EFCAB8: variants seen among roughly 807,000 people sequenced by gnomAD.
The protein encoded by EFCAB8 is EF-hand calcium-binding domain-containing protein 8.
In EFCAB8, 100 loss-of-function variants were observed where a neutral mutation model predicts 116.3. The observed-to-expected ratio is 0.86, with a 90% CI of 0.73 to 1.02. EFCAB8 has a LOEUF of 1.02. Among genes scored for constraint, EFCAB8 ranks in the 50% least tolerant of loss-of-function variants. EFCAB8 has a pLI of 0.00. For synonymous variants in EFCAB8, 558 were observed against 567.9 expected, an observed-to-expected ratio of 0.98 and a Z score of 0.25; for missense variants, 1,320 against 1,416.9, an observed-to-expected ratio of 0.93 and a Z score of 1.10.
chr20:32,941,105 A>G (rs1431590194), intron 22 of EFCAB8, among the ~76,000 whole-genome samples: 1 of 149,396 alleles, frequency 6.7e-6, no homozygotes, highest in East Asian at 2.0e-4. Flanking sequence ...TACAAAAATT[A>G]GCAGGGCATG....
At chr20:32,907,490 C>T (rs1238947289) in intron 13 of EFCAB8, among the ~76,000 whole-genome samples, 3 of 152,230 alleles carry the variant, frequency 2.0e-5, no homozygotes, top group Non-Finnish European at 2.9e-5. Context: ...CTGTGCTCCT[C>T]TGCAGCTGTA....
At chr20:32,891,018 A>G (rs1985883219) in intron 7 of EFCAB8, among the ~76,000 whole-genome samples, 1 of 152,218 alleles carries the variant, frequency 6.6e-6, no homozygotes, top group South Asian at 2.1e-4. Flanking sequence ...TGGGCTTTCC[A>G]CTGCAACATC....
intron 11 of EFCAB8, among the ~76,000 whole-genome samples, 199 bp from the exon 12 acceptor site, chr20:32,906,359 GGTGC>G (rs934809105): frequency 5.9e-5 from 9 of 152,106 alleles, no homozygotes; most frequent in Non-Finnish European, 1.0e-4. Context: ...CTTTGCCTGT[GGTGC>G]TGAGCCCTGA....
intron 23 of EFCAB8, among the ~76,000 whole-genome samples, chr20:32,946,735 T>C (rs1162155025): frequency 1.3e-5 from 2 of 152,232 alleles, no homozygotes; most frequent in Non-Finnish European, 2.9e-5. Flanking sequence ...GTGTAATTGG[T>C]ATCACAATCA....
chr20:32,945,068 C>T (rs552489319), intron 23 of EFCAB8, among the ~76,000 whole-genome samples: 8 of 151,782 alleles, frequency 5.3e-5, no homozygotes, highest in Admixed American at 2.6e-4. Context: ...CTGATTTTTC[C>T]TTCTGCTTGA....
At chr20:32,909,654 G>A (rs1327993259) in intron 14 of EFCAB8, among the ~76,000 whole-genome samples, 167 bp from the exon 15 acceptor site, 1 of 152,090 alleles carries the variant, frequency 6.6e-6, no homozygotes, top group East Asian at 1.9e-4. Context: ...AGTAGGGTGG[G>A]GGTATCTGCA....
rs775105217 is a variant in EFCAB8 at position 32,867,693 on chromosome 20, A to C, written c.154A>C (p.Ile52Leu). ...LQPGSQLFTE[I>L]HLAKIEKMFE... ...GCCTGGGTCCCAGCTGTTTACTGAG[A>C]TACACCTGGCCAAGATAGAGAAAAT... Residue 52 changes from isoleucine (I) to leucine (L), a missense_variant, in exon 3 of 27, where the codon ATA becomes CTA. Physicochemically the swap from Ile to Leu is conservative, Grantham distance 5. Coordinates refer to ENST00000400522, the MANE Select transcript of EFCAB8 (RefSeq NM_001143967.2). 1 of 1,551,678 alleles carries C rather than the reference A, an allele frequency of 6.4e-7. No individual in the cohort carries two copies. The highest frequency in any genetic ancestry group is 8.7e-7 in the Non-Finnish European group (1 of 1,146,980).
Position 32,896,519 on chromosome 20 carries a change from C to T in EFCAB8, c.949C>T (p.Arg317Trp), listed in dbSNP as rs774056826. The change falls in exon 10 of 27, where the codon CGG becomes TGG. Residue 317 changes from arginine to tryptophan, a missense_variant. By Grantham distance (101) the Arg-to-Trp change is moderately radical. Coordinates refer to ENST00000400522, the MANE Select transcript of EFCAB8 (RefSeq NM_001143967.2). ...NEKSALHRSY[R>W]LKALHPNWCE... ...GAAGTCTGCTTTGCATAGAAGCTAC[C>T]GGCTGAAGGTGAGTTTTTTCTTTCC... The T allele has an allele frequency of 7.8e-5, 56 of 718,766 alleles. No homozygotes were observed. Among genetic ancestry groups the T allele is most frequent in the Non-Finnish European group, 6.8e-5 (26 of 385,166 alleles). 44.5% of individuals were successfully genotyped at this position (718,766 alleles called of 1,614,324 possible). A position where few individuals can be genotyped will look rare whatever the true frequency, so the allele number is the denominator to read the frequency against.
chr20:32,869,424 C>A (rs4264628), intron 3 of EFCAB8, among the ~76,000 whole-genome samples: 4,307 of 152,156 alleles, frequency 0.028, 96 homozygotes, highest in Non-Finnish European at 0.043. Context: ...TTAGTAGAGA[C>A]GGGGTTTCTC....
intron 23 of EFCAB8, among the ~76,000 whole-genome samples, chr20:32,952,647 A>G (rs1988836449): frequency 6.6e-6 from 1 of 152,166 alleles, no homozygotes. Flanking sequence ...ATTTGTAGAA[A>G]TTCTTTGTGT....
chr20:32,930,555 C>T lies in EFCAB8; in HGVS notation c.2570C>T (p.Ala857Val), dbSNP rs1234934407. 5.2e-6 allele frequency: 8 copies of T among 1,552,184 alleles called. No individual in the cohort carries two copies. Among genetic ancestry groups the T allele is most frequent in the Non-Finnish European group, 7.0e-6 (8 of 1,147,132 alleles). Residue 857 changes from alanine to valine, a missense_variant, in exon 21 of 27, where the codon GCC becomes GTC. Transcript: ENST00000400522. Reference sequence around the variant, plus strand: ...GACAATGGGGATGTTGTCGTGGGTGCCATGGCCACTGATAAAAATGACTGG... The same window carrying T: ...GACAATGGGGATGTTGTCGTGGGTGTCATGGCCACTGATAAAAATGACTGG... ...DLDNGDVVVG[A>V]MATDKNDWIL...
chr20:32,933,599 A>G (rs940371818), intron 22 of EFCAB8, among the ~76,000 whole-genome samples: 1 of 152,204 alleles, frequency 6.6e-6, no homozygotes, highest in African/African-American at 2.4e-5. Context: ...CCCTTTGACC[A>G]ATAACTTCCC....
intron 2 of EFCAB8, among the ~76,000 whole-genome samples, chr20:32,865,138 C>T (rs1272076898): frequency 6.6e-6 from 1 of 152,202 alleles, no homozygotes; most frequent in East Asian, 1.9e-4. Flanking sequence ...CAGACAAGCA[C>T]ACTTACTATG....
chr20:32,945,290 G>A (rs922501858), intron 23 of EFCAB8, among the ~76,000 whole-genome samples: 5 of 152,108 alleles, frequency 3.3e-5, no homozygotes, highest in African/African-American at 1.2e-4. Flanking sequence ...TGAGTAGCTG[G>A]GACTACAGGT....
chr20:32,955,123 T>C (rs1323993516), intron 23 of EFCAB8, among the ~76,000 whole-genome samples: 1 of 152,180 alleles, frequency 6.6e-6, no homozygotes, highest in African/African-American at 2.4e-5. Context: ...GATAGAGCTG[T>C]ATGATTTTGC....
chr20:32,917,581 G>GCTCCCCACCCTCCCT, intron 18 of EFCAB8, 76 bp downstream of exon 18: 8 of 1,415,200 alleles, frequency 5.7e-6, no homozygotes, highest in Non-Finnish European at 7.7e-6. Context: ...CAGGGAGGGT[G>GCTCCCCACCCTCCCT]GGGAGCACCC....
intron 11 of EFCAB8, among the ~76,000 whole-genome samples, chr20:32,902,209 T>C (rs565502122): frequency 1.9e-4 from 29 of 152,214 alleles, no homozygotes; most frequent in Admixed American, 4.6e-4. Context: ...GTCTGGCTTA[T>C]ATGTTGCAGG....
At chr20:32,879,304 C>G (rs889942544) in intron 5 of EFCAB8, among the ~76,000 whole-genome samples, 3 of 152,164 alleles carry the variant, frequency 2.0e-5, no homozygotes, top group African/African-American at 4.8e-5. Flanking sequence ...GAGTGGCTGG[C>G]CCCGGGAGTA....
chr20:32,918,367 A>G lies in EFCAB8; in HGVS notation c.2067A>G (p.Gln689=). Reference sequence around the variant, plus strand: ...CTGCTTTCTTCTTGGTACAGGTGCAAGATGTGAACAACTGCCTGGCTGAGA... The same window carrying G: ...CTGCTTTCTTCTTGGTACAGGTGCAGGATGTGAACAACTGCCTGGCTGAGA... The part of the protein sequence containing the change: ...SPSPLQPKRV[Q]DVNNCLAESH... Residue 689 remains glutamine (Q), a synonymous_variant, in exon 19 of 27, where the codon CAA becomes CAG. Coordinates refer to ENST00000400522, the MANE Select transcript of EFCAB8 (RefSeq NM_001143967.2). 6.4e-7 allele frequency: 1 copy of G among 1,551,710 alleles called. No homozygotes were observed. The highest frequency in any genetic ancestry group is 8.7e-7 in the Non-Finnish European group (1 of 1,146,986).
Sources: allele counts gnomAD v4.1 joint callset (sites outside exome capture counted in the v4.1 genomes callset), GRCh38; gene constraint gnomAD v4.1.1; transcripts MANE v1.5; gene names NCBI Gene and HGNC (gene_info 2026-07-23, HGNC 2026-07-21).